The following FLI1 variants were observed in gnomAD, a reference collection of about 807,000 sequenced individuals.
FLI1 encodes Fli-1 proto-oncogene, ETS transcription factor.
FLI1 carries 13 observed loss-of-function variants against 53.1 expected under a neutral mutation model. The ratio of observed to expected loss-of-function variants is 0.24; its 90% CI spans 0.16 to 0.39. The LOEUF is 0.39. Ranked by LOEUF, FLI1 falls within the 10% of genes least tolerant of loss-of-function variation. The probability of loss-of-function intolerance (pLI) is 1.00; values close to 1 mark genes in which losing one functional copy is unlikely to be tolerated. For synonymous variants in FLI1, 244 were observed against 236.7 expected (o/e 1.03, Z -0.28); for missense variants, 424 against 600.5 (o/e 0.71, Z 3.07).
chr11:128,788,028 T>G (rs1437945325), intron 5 of FLI1, among the ~76,000 whole-genome samples: 1 of 150,920 alleles, frequency 6.6e-6, no homozygotes, highest in Non-Finnish European at 1.5e-5. Flanking sequence ...GCCAGGATGG[T>G]CTCGACCTCC....
intron 1 of FLI1, among the ~76,000 whole-genome samples, chr11:128,723,511 A>G (rs1939342130): frequency 6.6e-6 from 1 of 152,184 alleles, no homozygotes; most frequent in African/African-American, 2.4e-5. Context: ...AGAAAAAGAA[A>G]TAAAAGAGGT....
chr11:128,715,625 A>G (rs180740399), intron 1 of FLI1, among the ~76,000 whole-genome samples: 15 of 152,238 alleles, frequency 9.9e-5, no homozygotes, highest in African/African-American at 3.6e-4. Context: ...AGAAAACAGC[A>G]TTTCTACCTT....
At chr11:128,773,029 T>C in intron 4 of FLI1, 44 bp downstream of exon 4, 6 of 1,571,108 alleles carry the variant, frequency 3.8e-6, no homozygotes, top group Non-Finnish European at 5.2e-6. Context: ...AAGCTTGGCA[T>C]GGAGCCAACC....
upstream of FLI1, chr11:128,693,941 CGAGAGAGAGAGA>C (rs57930585): frequency 0.028 from 4,898 of 175,638 alleles, 39 homozygotes; most frequent in Admixed American, 0.062. Context: ...GAGCTCGAGG[CGAGAGAGAGAGA>C]GAGAGAGAGA....
chr11:128,755,323 A>T (rs1478139208), intron 1 of FLI1, among the ~76,000 whole-genome samples: 1 of 152,232 alleles, frequency 6.6e-6, no homozygotes, highest in Non-Finnish European at 1.5e-5. Context: ...AAGGTTCATG[A>T]ATGATAAACT....
intron 2 of FLI1, among the ~76,000 whole-genome samples, chr11:128,765,125 A>G (rs976713143): frequency 1.3e-5 from 2 of 152,148 alleles, no homozygotes; most frequent in Admixed American, 1.3e-4. Context: ...GGTTCTGCTC[A>G]GGGAATGAGT....
At chr11:128,729,358 G>T (rs1939605862) in intron 1 of FLI1, among the ~76,000 whole-genome samples, 1 of 152,204 alleles carries the variant, frequency 6.6e-6, no homozygotes, top group Non-Finnish European at 1.5e-5. Context: ...TTTGGAACAG[G>T]ATTTCCTCTG....
intron 1 of FLI1, among the ~76,000 whole-genome samples, chr11:128,732,407 T>C (rs1428406085): frequency 6.6e-6 from 1 of 152,250 alleles, no homozygotes; most frequent in Non-Finnish European, 1.5e-5. Context: ...AAGTCTTTCA[T>C]GTGACAAATA....
At chr11:128,731,729 C>T (rs1416919058) in intron 1 of FLI1, among the ~76,000 whole-genome samples, 3 of 152,088 alleles carry the variant, frequency 2.0e-5, no homozygotes, top group South Asian at 2.1e-4. Flanking sequence ...GTAGATGGGG[C>T]GCAGCGGCTC....
At chr11:128,751,193 A>C (rs1198769244) in intron 1 of FLI1, among the ~76,000 whole-genome samples, 1 of 152,222 alleles carries the variant, frequency 6.6e-6, no homozygotes, top group Non-Finnish European at 1.5e-5. Flanking sequence ...CTCTATCATC[A>C]CCAAATCTAC....
intron 3 of FLI1, among the ~76,000 whole-genome samples, chr11:128,772,350 GTC>G (rs1232296094): frequency 4.6e-5 from 7 of 152,320 alleles, no homozygotes; most frequent in African/African-American, 1.2e-4. Flanking sequence ...TGCAGTAAAA[GTC>G]TCTCTGTTTC....
In FLI1 at chr11:128,783,821, T is replaced by C. The variant is rs116890209; in HGVS notation, c.655+1798T>C. 2.6e-5 allele frequency among the ~76,000 whole-genome samples: 4 copies of C among 152,294 alleles called. No homozygotes were observed. The East Asian group carries it at 7.7e-4, about 29-fold the overall frequency. On this transcript the variant is annotated intron_variant, in intron 5 of 8. Coordinates refer to ENST00000527786, the MANE Select transcript of FLI1 (RefSeq NM_002017.5). ...CACATTGCGAGGGCTCAAGAGCCAC[T>C]GTCCTTTGATATGTTCTACATACTG...
In FLI1 at chr11:128,758,109, C is replaced by T; in HGVS notation, c.19-6C>T. On this transcript the variant is annotated splice_polypyrimidine_tract_variant and splice_region_variant and intron_variant, in intron 1 of 8. Coordinates refer to ENST00000527786, the MANE Select transcript of FLI1 (RefSeq NM_002017.5). ...TGGGCTTTCTGTCTCTTCTCTGGCC[C>T]TGCAGGAGGCTCTGTCGGTGGTGAG... 1 of 1,609,158 alleles carries T rather than the reference C, an allele frequency of 6.2e-7. No homozygotes were observed. Among genetic ancestry groups the T allele is most frequent in the Non-Finnish European group, 8.5e-7 (1 of 1,177,804 alleles).
chr11:128,722,172 T>C (rs1447066978), intron 1 of FLI1, among the ~76,000 whole-genome samples: 1 of 152,224 alleles, frequency 6.6e-6, no homozygotes, highest in Non-Finnish European at 1.5e-5. Flanking sequence ...CCCCCTGACG[T>C]GACTTAACCA....
intron 5 of FLI1, among the ~76,000 whole-genome samples, chr11:128,792,235 G>T (rs538524845): frequency 6.6e-6 from 1 of 152,234 alleles, no homozygotes; most frequent in Non-Finnish European, 1.5e-5. Flanking sequence ...AATGGCAAGG[G>T]CTCCAAAATG....
chr11:128,750,498 A>C (rs1026211751), intron 1 of FLI1, among the ~76,000 whole-genome samples: 1 of 152,222 alleles, frequency 6.6e-6, no homozygotes, highest in Non-Finnish European at 1.5e-5. Flanking sequence ...TAACTGTGAA[A>C]TATTTGTTCC....
chr11:128,803,275 A>G (rs938009819), intron 5 of FLI1, among the ~76,000 whole-genome samples: 1 of 152,176 alleles, frequency 6.6e-6, no homozygotes, highest in Non-Finnish European at 1.5e-5. Context: ...GTTTTCTAGC[A>G]TGGCTGCAAG....
chr11:128,788,995 G>A (rs757973239), intron 5 of FLI1, among the ~76,000 whole-genome samples: 5 of 152,130 alleles, frequency 3.3e-5, no homozygotes, highest in Admixed American at 6.5e-5. Flanking sequence ...ATATTACCAC[G>A]TCTTTCAATT....
intron 5 of FLI1, among the ~76,000 whole-genome samples, chr11:128,799,457 G>A (rs1042753088): frequency 9.9e-5 from 15 of 152,084 alleles, no homozygotes; most frequent in Admixed American, 5.2e-4. Flanking sequence ...CATAGCAACC[G>A]TAGAAAGCAC....
Sources: gnomAD v4.1 joint callset for allele counts (sites outside exome capture counted in the v4.1 genomes callset) on GRCh38, gnomAD v4.1.1 for gene constraint, MANE v1.5 for transcripts, NCBI Gene and HGNC (gene_info 2026-07-23, HGNC 2026-07-21) for gene names.